CUL4A: variants seen among roughly 807,000 people sequenced by gnomAD.
CUL4A encodes the protein cullin 4A, also known as cullin-4A.
CUL4A carries 16 observed loss-of-function variants against 95.5 expected under a neutral mutation model. The observed-to-expected ratio is 0.17, with a 90% confidence interval of 0.11 to 0.25. CUL4A has a LOEUF of 0.25. Ranked by LOEUF, CUL4A falls within the 10% of genes least tolerant of loss-of-function variation. The probability of loss-of-function intolerance (pLI) is 1.00; values close to 1 mark genes in which losing one functional copy is unlikely to be tolerated. For missense variants in CUL4A, 610 were observed against 937.0 expected (o/e 0.65, Z 4.56); for synonymous variants, 380 against 353.1 (o/e 1.08, Z -0.85).
intron 2 of CUL4A, among the ~76,000 whole-genome samples, chr13:113,218,641 C>T (rs1205226308): frequency 6.6e-6 from 1 of 152,204 alleles, no homozygotes; most frequent in Admixed American, 6.5e-5. Flanking sequence ...AGTGACTGGG[C>T]ACCATAGATG....
chr13:113,258,483 A>G (rs921818649), intron 18 of CUL4A, among the ~76,000 whole-genome samples: 8 of 152,230 alleles, frequency 5.3e-5, no homozygotes, highest in Non-Finnish European at 8.8e-5. Flanking sequence ...ATATGTAAAT[A>G]CATACAAATC....
chr13:113,262,961 G>A (rs1033392822), intron 19 of CUL4A: 79 of 140,222 alleles, frequency 5.6e-4, no homozygotes, highest in Admixed American at 5.2e-3. Context: ...GCTTATACGT[G>A]CCCTTGCTGA....
chr13:113,260,181 G>T (rs1324501762), intron 18 of CUL4A, among the ~76,000 whole-genome samples: 12 of 22,290 alleles, frequency 5.4e-4, no homozygotes, highest in African/African-American at 1.1e-3. Context: ...TCCAGCCTGG[G>T]TGACAGAGTG....
Position 113,266,607 on chromosome 13 carries a change from T to G in CUL4A, c.*3025T>G, listed in dbSNP as rs1566383930. ...CATTGTAATTGAAACAGCATGATGCTGGCCCTTTAAAAAGATTCCTGGAAC... is the reference window on the plus strand; with the variant it reads ...CATTGTAATTGAAACAGCATGATGCGGGCCCTTTAAAAAGATTCCTGGAAC... On this transcript the variant is annotated 3_prime_UTR_variant, in exon 20 of 20. Transcript: ENST00000375440. The G allele has an allele frequency of 6.6e-6, 1 of 152,252 alleles. No individual in the cohort carries two copies. 9.4% of individuals were successfully genotyped at this position (152,252 alleles called of 1,614,324 possible). A position where few individuals can be genotyped will look rare whatever the true frequency, so the allele number is the denominator to read the frequency against.
intron 18 of CUL4A, among the ~76,000 whole-genome samples, chr13:113,260,211 A>AAAAAAAAAAAAAAAAAAAAAC (rs1197388632): frequency 8.4e-6 from 1 of 119,526 alleles, no homozygotes; most frequent in East Asian, 3.3e-4. Flanking sequence ...CTCAAAAAAA[A>AAAAAAAAAAAAAAAAAAAAAC]AAAAAAAACC....
At chr13:113,213,135 C>A (rs1313507968) in intron 2 of CUL4A, among the ~76,000 whole-genome samples, 1 of 152,166 alleles carries the variant, frequency 6.6e-6, no homozygotes, top group Non-Finnish European at 1.5e-5. Flanking sequence ...CACCTGTAAT[C>A]CCAGCACTTT....
chr13:113,260,006 C>G (rs1474182910), intron 18 of CUL4A, among the ~76,000 whole-genome samples: 2 of 148,690 alleles, frequency 1.3e-5, no homozygotes, highest in Non-Finnish European at 3.0e-5. Context: ...GAGATCGAGA[C>G]CAGCCTGGCT....
At chr13:113,246,569 A>G (rs745851678) in intron 15 of CUL4A, among the ~76,000 whole-genome samples, 2 of 152,240 alleles carry the variant, frequency 1.3e-5, no homozygotes, top group Non-Finnish European at 2.9e-5. Context: ...GGCTGAGACC[A>G]GCCTGCAATC....
Position 113,218,940 on chromosome 13 carries a change from T to C in CUL4A, c.265-5T>C. The C allele has an allele frequency of 6.2e-6, 10 of 1,602,890 alleles. No individual in the cohort carries two copies. The highest frequency in any genetic ancestry group is 8.5e-6 in the Non-Finnish European group (10 of 1,173,104). ...GAAGAATTGATGTAGCCCTTTTGTT[T>C]GCAGGCTGTGGAAAATCTCTGTTCT... On this transcript the variant is annotated splice_region_variant and splice_polypyrimidine_tract_variant and intron_variant, in intron 2 of 19. Transcript: ENST00000375440.
chr13:113,236,348 C>T (rs950820748), intron 8 of CUL4A, among the ~76,000 whole-genome samples: 50 of 152,134 alleles, frequency 3.3e-4, no homozygotes, highest in Non-Finnish European at 6.2e-4. Flanking sequence ...CAGGGAAGTC[C>T]GGGGGAAATA....
At chr13:113,260,211 A>AAAAAAAAAAAAAAAAAAAAAAAAC (rs1197388632) in intron 18 of CUL4A, among the ~76,000 whole-genome samples, 1 of 119,526 alleles carries the variant, frequency 8.4e-6, no homozygotes, top group African/African-American at 3.6e-5. Context: ...CTCAAAAAAA[A>AAAAAAAAAAAAAAAAAAAAAAAAC]AAAAAAAACC....
chr13:113,234,059 T>C (rs2041455491), intron 7 of CUL4A, 73 bp downstream of exon 7: 3 of 859,670 alleles, frequency 3.5e-6, no homozygotes, highest in South Asian at 3.2e-5. Flanking sequence ...ACTTTCCTCA[T>C]GTTTGCCTTT....
chr13:113,237,136 C>T (rs1436328659), intron 9 of CUL4A, among the ~76,000 whole-genome samples: 2 of 152,208 alleles, frequency 1.3e-5, no homozygotes, highest in Admixed American at 1.3e-4. Context: ...GAAGGCCCGG[C>T]AGACCTTCTG....
At chr13:113,255,179 G>C in intron 18 of CUL4A, 54 bp downstream of exon 18, 1 of 1,391,742 alleles carries the variant, frequency 7.2e-7, no homozygotes, top group Non-Finnish European at 9.9e-7. Flanking sequence ...GGAATCATTT[G>C]TTTTTGTAGT....
In CUL4A at chr13:113,245,236, A is replaced by T; in HGVS notation, c.1529A>T (p.Gln510Leu). Residue 510 changes from glutamine to leucine, a missense_variant and splice_region_variant, in exon 14 of 20, where the codon CAG becomes CTG. Gln to Leu is a moderately radical substitution (Grantham distance 113). Coordinates refer to ENST00000375440, the MANE Select transcript of CUL4A (RefSeq NM_001008895.4). ...AAGGACATCATGGTTCATTTCAAGC[A>T]GGTGAGTTGTGTTTCTTAGGTAAAG... ...LSKDIMVHFK[Q>L]HMQNQSDSGP... The T allele has an allele frequency of 6.2e-7, 1 of 1,614,066 alleles. No homozygotes were observed. Among genetic ancestry groups the T allele is most frequent in the Non-Finnish European group, 8.5e-7 (1 of 1,179,898 alleles).
chr13:113,249,608 G>A (rs1407500406), intron 15 of CUL4A, among the ~76,000 whole-genome samples: 3 of 152,176 alleles, frequency 2.0e-5, no homozygotes, highest in Non-Finnish European at 4.4e-5. Flanking sequence ...CACTTATTTT[G>A]GGGTATATAC....
intron 2 of CUL4A, among the ~76,000 whole-genome samples, chr13:113,216,837 G>A (rs964530175): frequency 6.6e-6 from 1 of 152,242 alleles, no homozygotes; most frequent in African/African-American, 2.4e-5. Flanking sequence ...CGCCTTTCCA[G>A]TGATGAGTGC....
chr13:113,229,357 G>C lies in CUL4A; in HGVS notation c.439-89G>C, dbSNP rs189944879. 7.7e-5 allele frequency: 82 copies of C among 1,063,258 alleles called. No homozygotes were observed. The East Asian group carries it at 1.9e-3, about 25-fold the overall frequency. The allele number at this position is 1,063,258 out of a possible 1,614,324, so 65.9% of individuals were successfully genotyped here. A position where few individuals can be genotyped will look rare whatever the true frequency, so the allele number is the denominator to read the frequency against. On this transcript the variant is annotated intron_variant, in intron 4 of 19. Transcript: ENST00000375440. Reference sequence around the variant, plus strand: ...TGGACAGGAAACAGCTGTTGGATTTGAGACAGCTAGCATGGAGTTAAAAGG... The same window carrying C: ...TGGACAGGAAACAGCTGTTGGATTTCAGACAGCTAGCATGGAGTTAAAAGG...
At position 113,264,103 on chromosome 13, in the gene CUL4A, C is replaced by A. The variant is rs1379951303; in HGVS notation, c.*521C>A. 1 of 152,306 alleles carries A rather than the reference C, an allele frequency of 6.6e-6. No individual in the cohort carries two copies. The highest frequency in any genetic ancestry group is 1.5e-5 in the Non-Finnish European group (1 of 68,048). 9.4% of individuals were successfully genotyped at this position (152,306 alleles called of 1,614,324 possible). A position where few individuals can be genotyped will look rare whatever the true frequency, so the allele number is the denominator to read the frequency against. On this transcript the variant is annotated 3_prime_UTR_variant, in exon 20 of 20. Transcript: ENST00000375440. Reference sequence around the variant, plus strand: ...GGGTTCAAAGCTGGCGAATGGATGACGCACCCTAGCCACTGGCCCCTCTCT... The same window carrying A: ...GGGTTCAAAGCTGGCGAATGGATGAAGCACCCTAGCCACTGGCCCCTCTCT...
Sources: allele counts gnomAD v4.1 joint callset (sites outside exome capture counted in the v4.1 genomes callset), GRCh38; gene constraint gnomAD v4.1.1; transcripts MANE v1.5; gene names NCBI Gene and HGNC (gene_info 2026-07-23, HGNC 2026-07-21).